SPIDR: variants seen among roughly 807,000 people sequenced by gnomAD.
The protein encoded by SPIDR is scaffold protein involved in DNA repair, also known as DNA repair-scaffolding protein.
Under a neutral mutation model 104.6 loss-of-function variants are expected in SPIDR, and 93 were observed. The observed-to-expected ratio is 0.89, with a 90% confidence interval of 0.75 to 1.06. The LOEUF is 1.06. SPIDR is among the 50% of genes least tolerant of loss of function. The pLI is 0.00. For synonymous variants in SPIDR, 431 were observed against 416.9 expected, an observed-to-expected ratio of 1.03 and a Z score of -0.41; for missense variants, 1,154 against 1,111.2, an observed-to-expected ratio of 1.04 and a Z score of -0.55.
intron 5 of SPIDR, among the ~76,000 whole-genome samples, chr8:47,311,474 A>G (rs139126330): frequency 3.3e-5 from 5 of 152,310 alleles, no homozygotes; most frequent in Middle Eastern, 3.4e-3. Flanking sequence ...CAAGATAAAT[A>G]CAATAAAATA....
intron 8 of SPIDR, chr8:47,527,631 T>A (rs2085234765): frequency 6.6e-6 from 1 of 152,224 alleles, no homozygotes; most frequent in African/African-American, 2.4e-5. Flanking sequence ...ATCATTAAAG[T>A]CGCCAGGTCA....
chr8:47,539,504 A>C (rs2154389220), intron 8 of SPIDR, among the ~76,000 whole-genome samples: 1 of 152,286 alleles, frequency 6.6e-6, no homozygotes, highest in South Asian at 2.1e-4. Flanking sequence ...ATGACATCTC[A>C]TTTTAATTTG....
chr8:47,574,609 TAAAAATAAAA>T (rs1296155060), intron 8 of SPIDR, among the ~76,000 whole-genome samples: 2 of 151,300 alleles, frequency 1.3e-5, no homozygotes, highest in Non-Finnish European at 2.9e-5. Flanking sequence ...TACTAAAAAA[TAAAAATAAAA>T]AAAAATAAAA....
intron 10 of SPIDR, among the ~76,000 whole-genome samples, chr8:47,668,660 G>C (rs2075339599): frequency 6.6e-6 from 1 of 152,162 alleles, no homozygotes; most frequent in South Asian, 2.1e-4. Context: ...GCATTGCCCT[G>C]AAGGTCCTAA....
intron 10 of SPIDR, 159 bp from the exon 11 acceptor site, chr8:47,673,642 C>CT (rs201473718): frequency 4.5e-3 from 3,994 of 883,408 alleles, no homozygotes; most frequent in Non-Finnish European, 5.2e-3. Context: ...CAGTGGATTT[C>CT]TTTTTTTTTT....
At chr8:47,597,373 C>A (rs577552408) in intron 9 of SPIDR, among the ~76,000 whole-genome samples, 109 of 152,262 alleles carry the variant, frequency 7.2e-4, no homozygotes, top group African/African-American at 2.2e-3. Flanking sequence ...CCCTTTCCCC[C>A]ACTCCACAAC....
intron 17 of SPIDR, 173 bp from the exon 18 acceptor site, chr8:47,728,760 T>C: frequency 1.5e-6 from 1 of 653,244 alleles, no homozygotes; most frequent in Non-Finnish European, 2.5e-6. Context: ...TGTTCATCCC[T>C]TGGACAGGCT....
At chr8:47,609,411 A>C (rs1050685939) in intron 10 of SPIDR, among the ~76,000 whole-genome samples, 1 of 152,102 alleles carries the variant, frequency 6.6e-6, no homozygotes, top group Non-Finnish European at 1.5e-5. Flanking sequence ...TTTTGAGTTA[A>C]TTTGTGTGTA....
chr8:47,526,521 A>G (rs1453458585), intron 8 of SPIDR, among the ~76,000 whole-genome samples: 1 of 152,232 alleles, frequency 6.6e-6, no homozygotes, highest in Non-Finnish European at 1.5e-5. Context: ...AAGAAAAAAA[A>G]TGAACCCTGC....
chr8:47,347,364 C>T (rs1013172738), intron 5 of SPIDR, among the ~76,000 whole-genome samples: 8 of 152,106 alleles, frequency 5.3e-5, no homozygotes, highest in Non-Finnish European at 1.2e-4. Flanking sequence ...GCTTTACTTC[C>T]GACTATGTGG....
At chr8:47,427,742 GGGGTTTCCTC>G (rs2066657895) in intron 7 of SPIDR, among the ~76,000 whole-genome samples, 1 of 152,210 alleles carries the variant, frequency 6.6e-6, no homozygotes, top group African/African-American at 2.4e-5. Context: ...CCCACAGAGT[GGGGTTTCCTC>G]GGTCTTGTCG....
At chr8:47,546,590 CT>C (rs2089426800) in intron 8 of SPIDR, among the ~76,000 whole-genome samples, 1 of 152,068 alleles carries the variant, frequency 6.6e-6, no homozygotes, top group African/African-American at 2.4e-5. Flanking sequence ...TTATTTTCAG[CT>C]TCATTGATTT....
chr8:47,330,850 A>G (rs1276285611), intron 5 of SPIDR: 1 of 455,178 alleles, frequency 2.2e-6, no homozygotes, highest in African/African-American at 2.0e-5. Context: ...TAAACTTTCA[A>G]CTCCTTTGAG....
chr8:47,363,503 A>T (rs1299330224), intron 5 of SPIDR, among the ~76,000 whole-genome samples: 4 of 146,670 alleles, frequency 2.7e-5, no homozygotes, highest in African/African-American at 7.4e-5. Flanking sequence ...CCTTTTTTAA[A>T]AAAAAAAAAA....
intron 8 of SPIDR, among the ~76,000 whole-genome samples, chr8:47,490,162 A>C (rs1445249440): frequency 2.0e-5 from 3 of 152,254 alleles, no homozygotes; most frequent in Non-Finnish European, 2.9e-5. Flanking sequence ...ACAGGAAAAA[A>C]CAACCCCATC....
At chr8:47,618,325 A>G (rs1171402962) in intron 10 of SPIDR, among the ~76,000 whole-genome samples, 3 of 152,192 alleles carry the variant, frequency 2.0e-5, no homozygotes, top group African/African-American at 7.2e-5. Flanking sequence ...AAGGAAAACC[A>G]AACTGAGTTT....
intron 10 of SPIDR, among the ~76,000 whole-genome samples, chr8:47,603,149 A>G (rs1327475740): frequency 9.6e-6 from 1 of 104,162 alleles, no homozygotes; most frequent in Non-Finnish European, 2.0e-5. Context: ...TAATAAAGCC[A>G]TAGGCTTTTT....
intron 15 of SPIDR, 192 bp from the exon 16 acceptor site, chr8:47,713,297 A>T: frequency 1.4e-6 from 1 of 738,562 alleles, no homozygotes; most frequent in East Asian, 2.6e-5. Flanking sequence ...CTTGAATCTC[A>T]CATTTGAGTG....
intron 8 of SPIDR, among the ~76,000 whole-genome samples, chr8:47,572,297 A>C (rs567151265): frequency 6.6e-6 from 1 of 152,306 alleles, no homozygotes; most frequent in African/African-American, 2.4e-5. Flanking sequence ...ATCTTTAACT[A>C]TCAATTTTAG....
Sources: gnomAD v4.1 joint callset for allele counts (sites outside exome capture counted in the v4.1 genomes callset) on GRCh38, gnomAD v4.1.1 for gene constraint, MANE v1.5 for transcripts, NCBI Gene and HGNC (gene_info 2026-07-23, HGNC 2026-07-21) for gene names.